The following CPNE7 variants were observed in gnomAD, a reference collection of about 807,000 sequenced individuals.
CPNE7 encodes copine-7.
A neutral mutation model predicts 66.5 loss-of-function variants in CPNE7; 78 were observed. The observed-to-expected ratio is 1.17, with a 90% CI of 0.98 to 1.42. The LOEUF is 1.42. Ranked by LOEUF, CPNE7 falls within the 40% of genes most tolerant of loss-of-function variation. The pLI, the probability that CPNE7 is intolerant of heterozygous loss-of-function variation, is 0.00. For missense variants in CPNE7, 1,012 were observed against 776.6 expected, an observed-to-expected ratio of 1.30 and a Z score of -3.60; for synonymous variants, 468 against 336.7, an observed-to-expected ratio of 1.39 and a Z score of -4.27.
chr16:89,583,884 C>T (rs760774452), intron 3 of CPNE7, 113 bp downstream of exon 3: 73 of 1,449,096 alleles, frequency 5.0e-5, no homozygotes, highest in Non-Finnish European at 6.1e-5. Flanking sequence ...CTGCAGGAGC[C>T]GGCAGCTACA....
At chr16:89,586,383 G>C (rs1391503651) in intron 7 of CPNE7, among the ~76,000 whole-genome samples, 1 of 151,560 alleles carries the variant, frequency 6.6e-6, no homozygotes, top group Non-Finnish European at 1.5e-5. Context: ...CCGGGTGAGG[G>C]TGCAGTGGGG....
intron 2 of CPNE7, among the ~76,000 whole-genome samples, chr16:89,582,044 G>A (rs548549112): frequency 2.0e-4 from 30 of 152,348 alleles, no homozygotes; most frequent in African/African-American, 7.0e-4. Context: ...GGTCCGTGTG[G>A]ACACCTGCGT....
At position 89,583,557 on chromosome 16, in the gene CPNE7, C is replaced by T. The variant is rs199770053; in HGVS notation, c.358-140C>T. 4.1e-4 allele frequency: 651 copies of T among 1,589,812 alleles called. 5 individuals are homozygous for T. In the African/African-American group the frequency reaches 7.7e-3, roughly 19 times the overall value. On this transcript the variant is annotated intron_variant, in intron 2 of 14. Transcript: ENST00000319518. The stretch of plus-strand genomic sequence containing the variant: ...CTTGAGAGCAGCCACAAAGGGGGCG[C>T]GGGCCCTGGGCAGTGAAGCTCATGG...
chr16:89,596,733 C>A lies in CPNE7; in HGVS notation c.*112C>A. 1.6e-6 allele frequency: 2 copies of A among 1,222,582 alleles called. No individual in the cohort carries two copies. The highest frequency in any genetic ancestry group is 1.1e-6 in the Non-Finnish European group (1 of 935,870). The allele number at this position is 1,222,582 out of a possible 1,614,324, so 75.7% of individuals were successfully genotyped here. On this transcript the variant is annotated 3_prime_UTR_variant, in exon 15 of 15. Coordinates refer to ENST00000319518, the MANE Select transcript of CPNE7 (RefSeq NM_153636.3). The stretch of plus-strand genomic sequence containing the variant: ...TCCGACCTCCCAGAAGCCTCCAGTC[C>A]CCACCAGGCCCCACTCCCAGTCCTC...
At chr16:89,588,552 C>T (rs1170867069) in intron 9 of CPNE7, 123 bp from the exon 10 acceptor site, 8 of 1,241,090 alleles carry the variant, frequency 6.4e-6, no homozygotes, top group Admixed American at 5.8e-5. Flanking sequence ...CCCCCCAGCC[C>T]TACCCACCTA....
rs2059098284 is a variant in CPNE7 at position 89,587,893 on chromosome 16, C to CACCCACAGAAACACGGCCCCCGTGTT, written c.928-773_928-772insAACACGGCCCCCGTGTTACCCACAGA. The stretch of plus-strand genomic sequence containing the variant: ...ACGGCCCCCCGTGTCACCCGCGTGT[C>CACCCACAGAAACACGGCCCCCGTGTT]ACCCACAGATACACGGCCCCCGTGT... On this transcript the variant is annotated intron_variant, in intron 9 of 14. Transcript: ENST00000319518. 3.3e-5 allele frequency among the ~76,000 whole-genome samples: 2 copies of CACCCACAGAAACACGGCCCCCGTGTT among 60,314 alleles called. 1 individual carries two copies. Among genetic ancestry groups the CACCCACAGAAACACGGCCCCCGTGTT allele is most frequent in the Non-Finnish European group, 7.0e-5 (2 of 28,692 alleles). 39.6% of individuals were successfully genotyped at this position (60,314 alleles called of 152,430 possible).
Position 89,575,963 on chromosome 16 carries a change from G to C in CPNE7, c.66G>C (p.Ser22=). 9 of 1,360,112 alleles carry C rather than the reference G, an allele frequency of 6.6e-6. No individual in the cohort carries two copies. Among genetic ancestry groups the C allele is most frequent in the Non-Finnish European group, 6.6e-6 (7 of 1,055,020 alleles). The allele number at this position is 1,360,112 out of a possible 1,614,324, so 84.3% of individuals were successfully genotyped here. A position where few individuals can be genotyped will look rare whatever the true frequency, so the allele number is the denominator to read the frequency against. Residue 22 remains serine (S), a synonymous_variant, in exon 1 of 15, where the codon TCG becomes TCC. Transcript: ENST00000319518. ...GGGGTTTGCCCGCGCCCTGCGCCTCGAAGGTGGAGCTGCGGCTCAGCTGCC... is the reference window on the plus strand; with the variant it reads ...GGGGTTTGCCCGCGCCCTGCGCCTCCAAGGTGGAGCTGCGGCTCAGCTGCC... The part of the protein sequence containing the change: ...TPGGLPAPCA[S]KVELRLSCRH...
At position 89,595,332 on chromosome 16, in the gene CPNE7, G is replaced by T. The variant is rs774322654; in HGVS notation, c.1303-35G>T. 2.6e-6 allele frequency: 4 copies of T among 1,517,052 alleles called. No homozygotes were observed. The African/African-American group carries it at 4.1e-5, about 16-fold the overall frequency. The allele number at this position is 1,517,052 out of a possible 1,614,324, so 94.0% of individuals were successfully genotyped here. On this transcript the variant is annotated intron_variant, in intron 13 of 14. Coordinates refer to ENST00000319518, the MANE Select transcript of CPNE7 (RefSeq NM_153636.3). ...GCAGGGCGCATGTGGGCCATGGCAG[G>T]TGTGGTGTTGCTGATGCCTTTCCTG... is the stretch of plus-strand genomic sequence containing the variant.
intron 10 of CPNE7, 75 bp from the exon 11 acceptor site, chr16:89,589,822 T>C (rs1387158933): frequency 7.8e-6 from 12 of 1,538,816 alleles, no homozygotes; most frequent in African/African-American, 1.4e-5. Context: ...GCGCCAGTCA[T>C]GTCTCCCTAG....
At chr16:89,585,164 G>T (rs2059015291) in intron 5 of CPNE7, among the ~76,000 whole-genome samples, 1 of 152,234 alleles carries the variant, frequency 6.6e-6, no homozygotes, top group Non-Finnish European at 1.5e-5. Context: ...TCTTTTGAGA[G>T]AAATTAACTT....
chr16:89,584,915 C>A lies in CPNE7; in HGVS notation c.591+58C>A, dbSNP rs188808451. ...GAAGGGGCTGTCCCCAGCCCTCACG[C>A]ATCTCTGGCCACATGGGAGGAGCTC... On this transcript the variant is annotated intron_variant, in intron 5 of 14. Transcript: ENST00000319518. The surrounding 1 kb of genome is among the most constrained non-coding windows in gnomAD (Gnocchi z 6.0). 2.2e-5 allele frequency: 32 copies of A among 1,449,604 alleles called. No individual in the cohort carries two copies. Among genetic ancestry groups the A allele is most frequent in the Admixed American group, 8.6e-5 (5 of 58,440 alleles). The allele number at this position is 1,449,604 out of a possible 1,614,324, so 89.8% of individuals were successfully genotyped here. A position where few individuals can be genotyped will look rare whatever the true frequency, so the allele number is the denominator to read the frequency against.
At position 89,595,561 on chromosome 16, in the gene CPNE7, C is replaced by G. The variant is rs1319388290; in HGVS notation, c.1497C>G (p.Leu499=). The G allele has an allele frequency of 1.9e-6, 3 of 1,611,852 alleles. No individual in the cohort carries two copies. The highest frequency in any genetic ancestry group is 2.5e-6 in the Non-Finnish European group (3 of 1,179,290). The part of the protein sequence containing the change: ...VLRSPRGEPA[L]RDIVQFVPFR... ...GCTCCCCACGGGGTGAGCCCGCGCTCCGGGACATCGTACAGTTCGTGCCCT... is the reference window on the plus strand; with the variant it reads ...GCTCCCCACGGGGTGAGCCCGCGCTGCGGGACATCGTACAGTTCGTGCCCT... The change falls in exon 14 of 15, where the codon CTC becomes CTG. Residue 499 remains leucine, a synonymous_variant. Transcript: ENST00000319518.
At chr16:89,589,501 C>A (rs531261440) in intron 10 of CPNE7, among the ~76,000 whole-genome samples, 1 of 152,180 alleles carries the variant, frequency 6.6e-6, no homozygotes, top group Non-Finnish European at 1.5e-5. Context: ...ACAACACAGA[C>A]CCCTGGCCTG....
chr16:89,577,173 G>GC (rs957793175), intron 1 of CPNE7, among the ~76,000 whole-genome samples: 1 of 152,096 alleles, frequency 6.6e-6, no homozygotes, highest in African/African-American at 2.4e-5. Flanking sequence ...AGGAGGGAGG[G>GC]CCCCCCTGTA....
At chr16:89,594,694 C>T (rs1001586088) in intron 13 of CPNE7, among the ~76,000 whole-genome samples, 1 of 134,012 alleles carries the variant, frequency 7.5e-6, no homozygotes, top group Non-Finnish European at 1.5e-5. Flanking sequence ...ACTCTATCGC[C>T]AGGCTGAAGT....
In CPNE7 at chr16:89,575,849, G is replaced by A. The variant is rs1019125774; in HGVS notation, c.-49G>A. The stretch of plus-strand genomic sequence containing the variant: ...GGGCGCCGCGGCGGCGCCGACTCGC[G>A]GGCAGCGGCCCCTCAGTGCGCCCAG... On this transcript the variant is annotated 5_prime_UTR_variant, in exon 1 of 15. Transcript: ENST00000319518. The A allele has an allele frequency of 1.0e-5, 12 of 1,161,592 alleles. No homozygotes were observed. Among genetic ancestry groups the A allele is most frequent in the Non-Finnish European group, 1.2e-5 (11 of 942,562 alleles). 72.0% of individuals were successfully genotyped at this position (1,161,592 alleles called of 1,614,324 possible). A position where few individuals can be genotyped will look rare whatever the true frequency, so the allele number is the denominator to read the frequency against.
At chr16:89,586,968 G>T in intron 8 of CPNE7, 75 bp from the exon 9 acceptor site, 1 of 1,426,744 alleles carries the variant, frequency 7.0e-7, no homozygotes, top group South Asian at 1.2e-5. Flanking sequence ...GCCTGCGGGA[G>T]GCAGGCCTGG....
At chr16:89,587,744 G>GTC (rs1555623999) in intron 9 of CPNE7, 2 of 90,740 alleles carry the variant, frequency 2.2e-5, no homozygotes, top group Admixed American at 1.7e-4. Context: ...CAGATACACG[G>GTC]CCCCCGTGTC....
intron 2 of CPNE7, among the ~76,000 whole-genome samples, chr16:89,581,833 CAG>C (rs745345247): frequency 5.9e-5 from 9 of 152,248 alleles, no homozygotes; most frequent in South Asian, 2.1e-4. Flanking sequence ...TTTGAAGAGA[CAG>C]GGGTCTCACC....
Sources: allele counts gnomAD v4.1 joint callset (sites outside exome capture counted in the v4.1 genomes callset), GRCh38; gene constraint gnomAD v4.1.1; non-coding constraint Gnocchi (gnomAD v3.1); transcripts MANE v1.5; gene names NCBI Gene and HGNC (gene_info 2026-07-23, HGNC 2026-07-21).